The following SRGAP2C variants were observed in gnomAD, a reference collection of about 807,000 sequenced individuals.
SRGAP2C encodes the protein SLIT-ROBO Rho GTPase-activating protein 2C.
In SRGAP2C, 15 loss-of-function variants were observed where a neutral mutation model predicts 25.1. That is an observed-to-expected ratio of 0.60 (90% CI 0.40 to 0.92). The LOEUF (loss-of-function observed/expected upper bound fraction) is 0.92. Among genes scored for constraint, SRGAP2C ranks in the 40% least tolerant of loss-of-function variants. SRGAP2C has a pLI of 0.00. For missense variants in SRGAP2C, 144 were observed against 264.4 expected (o/e 0.54, Z 3.16); for synonymous variants, 44 against 96.6 (o/e 0.46, Z 3.19).
chr1:121,375,708 C>T (rs587706881), intron 7 of SRGAP2C, among the ~76,000 whole-genome samples: 13 of 151,384 alleles, frequency 8.6e-5, no homozygotes, highest in East Asian at 2.0e-4. Context: ...TAAAGAGTTA[C>T]AATGCCATCC....
intron 2 of SRGAP2C, among the ~76,000 whole-genome samples, chr1:121,265,138 G>A (rs1179116720): frequency 1.3e-4 from 17 of 130,104 alleles, no homozygotes; most frequent in African/African-American, 3.8e-4. Flanking sequence ...GGCAGAGGCC[G>A]CAGTGAGCCG....
chr1:121,378,984 T>A (rs1246522729), intron 7 of SRGAP2C, among the ~76,000 whole-genome samples: 5 of 152,162 alleles, frequency 3.3e-5, no homozygotes, highest in African/African-American at 9.7e-5. Context: ...GTAGGCTCAC[T>A]GGAATGTAAT....
At chr1:121,201,562 G>A (rs1558078520) in intron 2 of SRGAP2C, among the ~76,000 whole-genome samples, 1 of 152,244 alleles carries the variant, frequency 6.6e-6, no homozygotes, top group Admixed American at 6.5e-5. Context: ...TAGAAGAAAA[G>A]GCATATGCAC....
chr1:121,363,862 C>G (rs1232100245), intron 4 of SRGAP2C, among the ~76,000 whole-genome samples: 1 of 150,340 alleles, frequency 6.7e-6, no homozygotes, highest in Non-Finnish European at 1.5e-5. Flanking sequence ...CATAACAACA[C>G]TTAGAGTGGT....
At chr1:121,227,698 GA>G (rs1655714598) in intron 2 of SRGAP2C, among the ~76,000 whole-genome samples, 1 of 147,126 alleles carries the variant, frequency 6.8e-6, no homozygotes, top group Non-Finnish European at 1.5e-5. Flanking sequence ...CTGGCACGTA[GA>G]AGCACACAAT....
At position 121,329,834 on chromosome 1, in the gene SRGAP2C, A is replaced by T. The variant is rs1345274092; in HGVS notation, c.423+5194A>T. 5.9e-5 allele frequency among the ~76,000 whole-genome samples: 9 copies of T among 152,340 alleles called. No homozygotes were observed. The East Asian group carries it at 1.7e-3, about 29-fold the overall frequency. On this transcript the variant is annotated intron_variant, in intron 4 of 9. Coordinates refer to ENST00000367123, the MANE Select transcript of SRGAP2C (RefSeq NM_001329984.2). ...AAAGTAGCCTCCTGTTCACAGCTTA[A>T]AAACAGTCTGACTTTGTCTAGGACA...
intron 2 of SRGAP2C, among the ~76,000 whole-genome samples, chr1:121,272,834 G>T (rs1657007910): frequency 6.6e-6 from 1 of 151,844 alleles, no homozygotes; most frequent in African/African-American, 2.4e-5. Context: ...CCCTCTTTGT[G>T]AAATGGGAGG....
At chr1:121,321,108 C>T (rs1658194489) in intron 3 of SRGAP2C, among the ~76,000 whole-genome samples, 1 of 146,952 alleles carries the variant, frequency 6.8e-6, no homozygotes, top group Non-Finnish European at 1.5e-5. Flanking sequence ...ATTCTTTCTT[C>T]CAGGGTTTAC....
chr1:121,208,732 G>A (rs1288822802), intron 2 of SRGAP2C, among the ~76,000 whole-genome samples: 1 of 151,836 alleles, frequency 6.6e-6, no homozygotes, highest in African/African-American at 2.4e-5. Context: ...TTGTTTTCTA[G>A]CATCTAGCAG....
rs1660101064 is a variant in SRGAP2C at position 121,391,824 on chromosome 1, T to G, written c.*3969T>G. 1 of 152,362 alleles carries G rather than the reference T, an allele frequency of 6.6e-6. No homozygotes were observed. The highest frequency in any genetic ancestry group is 1.5e-5 in the Non-Finnish European group (1 of 68,088). 9.4% of individuals were successfully genotyped at this position (152,362 alleles called of 1,614,324 possible). ...ACAAGGCATACAAAGAATGGGAAAG[T>G]GTGGCTCATTCAAAGGAACAAAATA... On this transcript the variant is annotated 3_prime_UTR_variant, in exon 10 of 10. Transcript: ENST00000367123.
intron 2 of SRGAP2C, among the ~76,000 whole-genome samples, chr1:121,264,749 T>G (rs1365199331): frequency 6.8e-6 from 1 of 148,094 alleles, no homozygotes; most frequent in African/African-American, 2.5e-5. Flanking sequence ...TCCCCGATAA[T>G]GGGCTTTTTA....
chr1:121,321,080 G>T (rs1313339252), intron 3 of SRGAP2C, among the ~76,000 whole-genome samples: 3 of 149,994 alleles, frequency 2.0e-5, no homozygotes, highest in Non-Finnish European at 3.0e-5. Flanking sequence ...TTGTTCAGAA[G>T]TTCCAAGGCA....
chr1:121,310,489 A>G (rs1657957143), intron 3 of SRGAP2C, among the ~76,000 whole-genome samples: 1 of 92,874 alleles, frequency 1.1e-5, no homozygotes. Flanking sequence ...TTGGACATGA[A>G]GTCCTTGCCC....
chr1:121,222,534 C>A (rs1338729859), intron 2 of SRGAP2C, among the ~76,000 whole-genome samples: 1 of 152,092 alleles, frequency 6.6e-6, no homozygotes, highest in Admixed American at 6.6e-5. Context: ...GAGGCTGAGG[C>A]AGGAGGATCA....
chr1:121,249,635 T>C (rs1323249627), intron 2 of SRGAP2C, among the ~76,000 whole-genome samples: 1 of 38,238 alleles, frequency 2.6e-5, no homozygotes, highest in Non-Finnish European at 5.1e-5. Flanking sequence ...ATATGCACAA[T>C]GTGCAGGTTT....
chr1:121,191,718 C>A (rs1553319798), intron 2 of SRGAP2C, among the ~76,000 whole-genome samples: 1 of 151,876 alleles, frequency 6.6e-6, no homozygotes, highest in Non-Finnish European at 1.5e-5. Flanking sequence ...AGCTATTGTT[C>A]TTTCCTTATT....
chr1:121,249,574 ATATATAT>A (rs1336613919), intron 2 of SRGAP2C, among the ~76,000 whole-genome samples: 4 of 20,530 alleles, frequency 1.9e-4, no homozygotes, highest in South Asian at 2.1e-3. Context: ...ATATATATAT[ATATATAT>A]TTTTTTTTTT....
intron 3 of SRGAP2C, among the ~76,000 whole-genome samples, chr1:121,286,541 A>G (rs1361951573): frequency 6.6e-6 from 1 of 151,340 alleles, no homozygotes; most frequent in African/African-American, 2.4e-5. Context: ...TACAGGTGTG[A>G]GCCACCACAC....
chr1:121,239,836 T>C (rs1313502685), intron 2 of SRGAP2C, among the ~76,000 whole-genome samples: 1 of 152,298 alleles, frequency 6.6e-6, no homozygotes, highest in Non-Finnish European at 1.5e-5. Flanking sequence ...AAATATTTAC[T>C]ATCTGGCCTT....
Sources: allele counts gnomAD v4.1 joint callset (sites outside exome capture counted in the v4.1 genomes callset), GRCh38; gene constraint gnomAD v4.1.1; transcripts MANE v1.5; gene names NCBI Gene and HGNC (gene_info 2026-07-23, HGNC 2026-07-21).